The following NID2 variants were observed in gnomAD, a reference collection of about 807,000 sequenced individuals.
NID2 encodes nidogen 2.
A neutral mutation model predicts 145.4 loss-of-function variants in NID2; 83 were observed. That is an observed-to-expected ratio of 0.57 (90% confidence interval 0.48 to 0.69). NID2 has a LOEUF of 0.69. Among genes scored for constraint, NID2 ranks in the 30% least tolerant of loss-of-function variants. The pLI is 0.00. For synonymous variants in NID2, 739 were observed against 701.3 expected (o/e 1.05, Z -0.85); for missense variants, 1,807 against 1,765.7 (o/e 1.02, Z -0.42).
Position 52,014,451 on chromosome 14 carries a change from G to A in NID2, c.3256C>T (p.Pro1086Ser), listed in dbSNP as rs761198925. Residue 1086 changes from proline (P) to serine (S), a missense_variant, in exon 16 of 22, where the codon CCC (proline) becomes TCC (serine). Transcript: ENST00000216286. ...CGGACCATGGGTGGAGCGACGGTGG[G>A]TATACCTGTGGGAGAGAGGGTGGGA... is the stretch of plus-strand genomic sequence containing the variant. ...SQPGTTPACI[P>S]TVAPPMVRPT... is the part of the protein sequence containing the mutation. 7.5e-6 allele frequency: 12 copies of A among 1,607,856 alleles called. No individual in the cohort carries two copies. In the South Asian group the frequency reaches 1.1e-4, roughly 15 times the overall value.
At chr14:52,049,312 A>C (rs1892610286) in intron 5 of NID2, among the ~76,000 whole-genome samples, 1 of 152,174 alleles carries the variant, frequency 6.6e-6, no homozygotes, top group Non-Finnish European at 1.5e-5. Flanking sequence ...CCTAACTAGG[A>C]GTTCGTAACA....
At chr14:52,059,900 G>C (rs952999169) in intron 3 of NID2, among the ~76,000 whole-genome samples, 14 of 152,174 alleles carry the variant, frequency 9.2e-5, no homozygotes, top group Non-Finnish European at 1.5e-4. Context: ...ATACTGTTCT[G>C]TTTCCAGTAT....
rs752845785 is a variant in NID2, at chr14:52,030,584, A to ACGG, written c.2258-895_2258-894insCCG. On this transcript the variant is annotated intron_variant, in intron 9 of 21. Transcript: ENST00000216286. The stretch of plus-strand genomic sequence containing the variant: ...AGAAAGAAAGGAAGGAAGGGAAAGA[A>ACGG]AGAAAGAAAGAAAGAAAGAAAGAGA... Among the ~76,000 whole-genome samples the ACGG allele has an allele frequency of 3.3e-3, 109 of 33,032 alleles. 5 individuals carry two copies. The highest frequency in any genetic ancestry group is 6.3e-3 in the East Asian group (5 of 800). 21.7% of individuals were successfully genotyped at this position (33,032 alleles called of 152,430 possible). A position where few individuals can be genotyped will look rare whatever the true frequency, so the allele number is the denominator to read the frequency against.
At position 52,027,347 on chromosome 14, in the gene NID2, G is replaced by A; in HGVS notation, c.2531-3C>T. The stretch of plus-strand genomic sequence containing the variant: ...GGGGTTGGCAGGTGGGGTGATCACT[G>A]AAAAGAGAAGAAGATAAGGGCATCC... On this transcript the variant is annotated splice_polypyrimidine_tract_variant and splice_region_variant and intron_variant, in intron 11 of 21. Coordinates refer to ENST00000216286, the MANE Select transcript of NID2 (RefSeq NM_007361.4). The A allele has an allele frequency of 3.9e-6, 6 of 1,543,536 alleles. No individual in the cohort carries two copies. The highest frequency in any genetic ancestry group is 5.2e-6 in the Non-Finnish European group (6 of 1,147,170).
chr14:52,015,305 A>G (rs953641962), intron 14 of NID2, 30 bp from the exon 15 acceptor site: 2 of 1,580,280 alleles, frequency 1.3e-6, no homozygotes, highest in African/African-American at 2.7e-5. Context: ...GGAAGAAGAA[A>G]AACCTTTGAT....
At chr14:52,029,906 T>G (rs1891738920) in intron 9 of NID2, among the ~76,000 whole-genome samples, 1 of 152,236 alleles carries the variant, frequency 6.6e-6, no homozygotes, top group Non-Finnish European at 1.5e-5. Context: ...AGACAACTAG[T>G]ACCTTTACTT....
At chr14:52,049,894 G>A (rs575855276) in intron 5 of NID2, among the ~76,000 whole-genome samples, 3 of 152,178 alleles carry the variant, frequency 2.0e-5, no homozygotes, top group Non-Finnish European at 2.9e-5. Context: ...GGGGGGCGGC[G>A]GCTCCTGGTC....
At chr14:52,036,074 C>A (rs2645750) in intron 9 of NID2, among the ~76,000 whole-genome samples, 121,133 of 150,970 alleles carry the variant, frequency 0.8, 48,736 homozygotes, top group South Asian at 0.92. Context: ...TAAACAATTT[C>A]GTCTATTCAG....
chr14:52,037,449 G>A (rs946130895), intron 9 of NID2, among the ~76,000 whole-genome samples: 10 of 151,918 alleles, frequency 6.6e-5, no homozygotes, highest in African/African-American at 1.7e-4. Flanking sequence ...CCCCACTCCC[G>A]GCACTGTTGT....
At chr14:52,047,662 G>A (rs774581975) in intron 5 of NID2, among the ~76,000 whole-genome samples, 1 of 152,122 alleles carries the variant, frequency 6.6e-6, no homozygotes, top group Non-Finnish European at 1.5e-5. Context: ...AGGGTTTGCT[G>A]GTAGACTGGA....
At position 52,030,978 on chromosome 14, in the gene NID2, T is replaced by C. The variant is rs142598939; in HGVS notation, c.2258-1288A>G. ...TAACTACATGGTGAGGAAAATACTA[T>C]CTCCACTTCTGCTGCATCACAGAGA... On this transcript the variant is annotated intron_variant, in intron 9 of 21. Transcript: ENST00000216286. 3.4e-3 allele frequency among the ~76,000 whole-genome samples: 519 copies of C among 152,344 alleles called. 3 individuals carry two copies. Among genetic ancestry groups the C allele is most frequent in the African/African-American group, 0.012 (497 of 41,566 alleles).
intron 16 of NID2, 195 bp downstream of exon 16, chr14:52,014,092 C>G (rs1407641833): frequency 5.9e-6 from 4 of 680,386 alleles, no homozygotes; most frequent in Non-Finnish European, 1.0e-5. Context: ...CAGCCTTGGT[C>G]AGTGACAGGT....
chr14:52,029,547 CCA>C lies in NID2; in HGVS notation c.2399_2400del (p.Val800GlyfsTer2), dbSNP rs1227950260. ...SGYQGDGRNC[V>X]DENECATGFH... is the part of the protein sequence containing the mutation. ...GGAGACACGAGAACATGGCTCTTACCCACACAGTTCCGTCCATCTCCCTGGTA... is the reference window on the plus strand; with the variant it reads ...GGAGACACGAGAACATGGCTCTTACCCACAGTTCCGTCCATCTCCCTGGTA... On this transcript the variant is annotated frameshift_variant and splice_region_variant, in exon 10 of 22. Transcript: ENST00000216286. LOFTEE classifies it high-confidence loss of function. 1 of 1,609,840 alleles carries C rather than the reference CCA, an allele frequency of 6.2e-7. No individual in the cohort carries two copies. The highest frequency in any genetic ancestry group is 8.5e-7 in the Non-Finnish European group (1 of 1,176,788).
Position 52,006,574 on chromosome 14 carries a change from T to G in NID2, c.3967A>C (p.Ser1323Arg). Reference sequence around the variant, plus strand: ...GTGTGGTAGAAGTGATCTGCATAGCTTACGATGCTGAAGGGGTACTTGAGG... The same window carrying G: ...GTGTGGTAGAAGTGATCTGCATAGCGTACGATGCTGAAGGGGTACTTGAGG... The part of the protein sequence containing the change: ...NNLKYPFSIV[S>R]YADHFYHTDW... The change falls in exon 20 of 22, where the codon AGC (serine) becomes CGC (arginine). Residue 1323 changes from serine (S) to arginine (R), a missense_variant. By Grantham distance (110) the Ser-to-Arg change is moderately radical. Transcript: ENST00000216286. 1 of 1,613,796 alleles carries G rather than the reference T, an allele frequency of 6.2e-7. No individual in the cohort carries two copies. Among genetic ancestry groups the G allele is most frequent in the Non-Finnish European group, 8.5e-7 (1 of 1,179,760 alleles).
intron 2 of NID2, among the ~76,000 whole-genome samples, chr14:52,065,456 C>CTTT (rs59908743): frequency 0.16 from 19,998 of 127,986 alleles, 2,133 homozygotes; most frequent in East Asian, 0.49. Context: ...ATCCTCCTTT[C>CTTT]TTTTTTTTTT....
chr14:52,048,701 A>C (rs559173131), intron 5 of NID2, among the ~76,000 whole-genome samples: 1 of 152,204 alleles, frequency 6.6e-6, no homozygotes, highest in Non-Finnish European at 1.5e-5. Context: ...GAATCACTGA[A>C]GTGCAGAGGA....
Position 52,028,778 on chromosome 14 carries a change from T to C in NID2, c.2474A>G (p.Tyr825Cys). ...ATAACCACTCCGGCACTCACACCTGTAGCTTCCAGGCAAGTTGATACATAC... is the reference window on the plus strand; with the variant it reads ...ATAACCACTCCGGCACTCACACCTGCAGCTTCCAGGCAAGTTGATACATAC... The part of the protein sequence containing the change: ...NSVCINLPGS[Y>C]RCECRSGYEF... Residue 825 changes from tyrosine to cysteine, a missense_variant, in exon 11 of 22, where the codon TAC (tyrosine) becomes TGC (cysteine). Transcript: ENST00000216286. 6.2e-7 allele frequency: 1 copy of C among 1,614,114 alleles called. No individual in the cohort carries two copies. Among genetic ancestry groups the C allele is most frequent in the Non-Finnish European group, 8.5e-7 (1 of 1,179,994 alleles).
intron 16 of NID2, chr14:52,014,053 C>A: frequency 1.7e-6 from 1 of 583,108 alleles, no homozygotes; most frequent in Non-Finnish European, 3.1e-6. Context: ...TCCATATTAT[C>A]TGAAACTCCA....
intron 9 of NID2, among the ~76,000 whole-genome samples, chr14:52,030,573 G>A (rs1340549404): frequency 0.039 from 1,004 of 25,904 alleles, 64 homozygotes; most frequent in Non-Finnish European, 0.044. Flanking sequence ...AGAAAGGAAG[G>A]AAGGGAAAGA....
Sources: allele counts gnomAD v4.1 joint callset (sites outside exome capture counted in the v4.1 genomes callset), GRCh38; gene constraint gnomAD v4.1.1; transcripts MANE v1.5; gene names NCBI Gene and HGNC (gene_info 2026-07-23, HGNC 2026-07-21).